Variants in PTOV1 observed in about 807,000 individuals in gnomAD.
PTOV1 encodes the protein PTOV1 extended AT-hook containing adaptor protein, also known as prostate tumor-overexpressed gene 1 protein.
Under a neutral mutation model 58.0 loss-of-function variants are expected in PTOV1, and 20 were observed. The observed-to-expected ratio is 0.34, with a 90% CI of 0.24 to 0.50. The LOEUF is 0.50. PTOV1 is among the 20% of genes least tolerant of loss of function. The pLI is 0.98. For missense variants in PTOV1, 593 were observed against 565.4 expected, an observed-to-expected ratio of 1.05 and a Z score of -0.50; for synonymous variants, 335 against 234.2, an observed-to-expected ratio of 1.43 and a Z score of -3.93.
At chr19:49,858,476 G>C in intron 9 of PTOV1, 73 bp from the exon 10 acceptor site, 2 of 1,252,394 alleles carry the variant, frequency 1.6e-6, no homozygotes, top group South Asian at 1.3e-5. Flanking sequence ...GGGCCCGGGG[G>C]ACTCAGCGGG....
At chr19:49,858,859 C>G in intron 10 of PTOV1, 1 of 538,294 alleles carries the variant, frequency 1.9e-6, no homozygotes, top group Non-Finnish European at 3.3e-6. Flanking sequence ...TCTGCGGGGG[C>G]CTGCTCCTCC....
intron 6 of PTOV1, 195 bp from the exon 7 acceptor site, chr19:49,857,498 C>A: frequency 1.6e-6 from 1 of 640,328 alleles, no homozygotes; most frequent in East Asian, 2.7e-5. Flanking sequence ...GGGCCGGGAC[C>A]TGTCTCAGGC....
chr19:49,860,639 C>G, exon 12 of PTOV1: 1 of 447,840 alleles, frequency 2.2e-6, no homozygotes, highest in Non-Finnish European at 4.0e-6. Context: ...GCAGGGGCCC[C>G]TGGGGACTTC....
chr19:49,853,017 G>T (rs112926952), intron 1 of PTOV1: 12 of 152,182 alleles, frequency 7.9e-5, no homozygotes, highest in Non-Finnish European at 1.6e-4. Context: ...ATCTTCTGAC[G>T]ACTGCCCAAA....
intron 5 of PTOV1, among the ~76,000 whole-genome samples, chr19:49,855,947 G>A (rs1179713121): frequency 6.6e-6 from 1 of 152,094 alleles, no homozygotes; most frequent in East Asian, 1.9e-4. Context: ...AGAGGAGGCA[G>A]GGGTGGGGTG....
exon 7 of PTOV1, chr19:49,857,740 C>G: frequency 6.2e-7 from 1 of 1,614,120 alleles, no homozygotes; most frequent in Admixed American, 1.7e-5. Context: ...AGATCGTCAA[C>G]AACAAGTTTC....
exon 6 of PTOV1, chr19:49,857,043 CAAG>C (rs752358812): frequency 3.0e-5 from 49 of 1,613,972 alleles, no homozygotes; most frequent in African/African-American, 9.3e-5. Context: ...TGTACTCGTC[CAAG>C]AAGAAGATCT....
rs960209352 is a variant in PTOV1 at position 49,851,540 on chromosome 19, G to GC, written c.171+48dup. ...TTTTTCCAGAGCCTTCCACGGCCCC[G>GC]CCCCCCCAGCCCCTATCCCGGGCTC... is the stretch of plus-strand genomic sequence containing the variant. On this transcript the variant is annotated intron_variant, in intron 1 of 11. Transcript: ENST00000391842. The GC allele has an allele frequency of 7.9e-4, 733 of 925,496 alleles. 3 individuals are homozygous for GC. In the African/African-American group the frequency reaches 9.6e-3, roughly 12 times the overall value. 57.3% of individuals were successfully genotyped at this position (925,496 alleles called of 1,614,324 possible).
intron 10 of PTOV1, chr19:49,859,199 A>C (rs2074626554): frequency 6.5e-6 from 1 of 152,968 alleles, no homozygotes; most frequent in East Asian, 1.9e-4. Context: ...AACTACCTTA[A>C]AATTACCTTC....
At chr19:49,852,578 TATG>T (rs2074295627) in intron 1 of PTOV1, 1 of 152,244 alleles carries the variant, frequency 6.6e-6, no homozygotes, top group Non-Finnish European at 1.5e-5. Flanking sequence ...CGTTTTTAAA[TATG>T]ATCGTCCCAT....
chr19:49,856,374 T>TG (rs113056440), intron 5 of PTOV1: 6,369 of 155,094 alleles, frequency 0.041, 164 homozygotes, highest in South Asian at 0.12. Flanking sequence ...GACAGCACTG[T>TG]GGGGGTGGCC....
At chr19:49,851,579 C>A in intron 1 of PTOV1, 80 bp downstream of exon 1, 2 of 1,026,456 alleles carry the variant, frequency 1.9e-6, no homozygotes, top group Non-Finnish European at 1.2e-6. Flanking sequence ...CCTTTGTCCG[C>A]AGCCCCCGCC....
chr19:49,856,992 C>T (rs780845320), exon 6 of PTOV1: 50 of 1,613,186 alleles, frequency 3.1e-5, no homozygotes, highest in Non-Finnish European at 4.1e-5. Context: ...GCATGCTGTT[C>T]CCCCACATCT....
intron 6 of PTOV1, 49 bp downstream of exon 6, chr19:49,857,179 C>T (rs778350974): frequency 1.2e-6 from 2 of 1,606,900 alleles, no homozygotes; most frequent in Non-Finnish European, 1.7e-6. Context: ...GGATTAGACC[C>T]CACTGCCCTG....
At position 49,857,016 on chromosome 19, in the gene PTOV1, G is replaced by A. The variant is rs201596453; in HGVS notation, c.600G>A (p.Val200=). The change falls in exon 6 of 12, where the codon GTG becomes GTA. Residue 200 remains valine, a synonymous_variant. Transcript: ENST00000391842. ...TCCCCCACATCTCCCCCTGTGAGGT[G>A]CGCGTGCTCATGCTCCTGTACTCGT... is the stretch of plus-strand genomic sequence containing the variant. 49 of 1,613,906 alleles carry A rather than the reference G, an allele frequency of 3.0e-5. No homozygotes were observed. In the Admixed American group the frequency reaches 3.7e-4, roughly 12 times the overall value.
intron 1 of PTOV1, among the ~76,000 whole-genome samples, chr19:49,854,174 T>TGAC (rs915541172): frequency 5.3e-5 from 8 of 152,048 alleles, no homozygotes; most frequent in African/African-American, 1.9e-4. Flanking sequence ...AGTGTCAAGG[T>TGAC]GACAGCAGGC....
At chr19:49,852,958 C>T (rs1482166889) in intron 1 of PTOV1, 1 of 152,194 alleles carries the variant, frequency 6.6e-6, no homozygotes, top group Admixed American at 6.5e-5. Flanking sequence ...GCAACATCCA[C>T]TCTCTGTCCA....
exon 10 of PTOV1, chr19:49,858,581 C>T: frequency 6.2e-7 from 1 of 1,605,778 alleles, no homozygotes; most frequent in South Asian, 1.1e-5. Flanking sequence ...GGAACTCGCG[C>T]CTGGTCCAGT....
chr19:49,859,870 G>C, intron 10 of PTOV1, 116 bp from the exon 11 acceptor site: 9 of 1,151,142 alleles, frequency 7.8e-6, no homozygotes, highest in Non-Finnish European at 1.2e-5. Flanking sequence ...TGGGGGGTGT[G>C]AGGACAGAGC....
Sources: gnomAD v4.1 joint callset for allele counts (sites outside exome capture counted in the v4.1 genomes callset) on GRCh38, gnomAD v4.1.1 for gene constraint, MANE v1.5 for transcripts, NCBI Gene and HGNC (gene_info 2026-07-23, HGNC 2026-07-21) for gene names.